The following EHBP1 variants were observed in gnomAD, a reference collection of about 807,000 sequenced individuals.
EHBP1 encodes the protein EH domain-binding protein 1.
EHBP1 carries 55 observed loss-of-function variants against 144.0 expected under a neutral mutation model. The ratio of observed to expected loss-of-function variants is 0.38; its 90% CI spans 0.31 to 0.48. EHBP1 has a LOEUF of 0.48. EHBP1 is among the 20% of genes least tolerant of loss of function. The pLI, the probability that EHBP1 is intolerant of heterozygous loss-of-function variation, is 0.98. For missense variants in EHBP1, 1,200 were observed against 1,364.2 expected (o/e 0.88, Z 1.90); for synonymous variants, 469 against 472.7 (o/e 0.99, Z 0.10).
At chr2:62,751,976 T>C (rs1266131595) in intron 3 of EHBP1, among the ~76,000 whole-genome samples, 1 of 152,138 alleles carries the variant, frequency 6.6e-6, no homozygotes, top group African/African-American at 2.4e-5. Context: ...TTTGTGTCTC[T>C]ATCTCCTTCA....
At position 62,968,282 on chromosome 2, in the gene EHBP1, T is replaced by G. The variant is rs541148253; in HGVS notation, c.2461-10906T>G. On this transcript the variant is annotated intron_variant, in intron 14 of 22. Coordinates refer to ENST00000431489, the MANE Select transcript of EHBP1 (RefSeq NM_001142616.3). Reference sequence around the variant, plus strand: ...ACTTTAGAACAAAAGCCAGTGTTGGTGGAGTGTTAAATTCATCATAAAGGG... The same window carrying G: ...ACTTTAGAACAAAAGCCAGTGTTGGGGGAGTGTTAAATTCATCATAAAGGG... 3.3e-5 allele frequency among the ~76,000 whole-genome samples: 5 copies of G among 152,254 alleles called. No homozygotes were observed. In the East Asian group the frequency reaches 7.7e-4, roughly 23 times the overall value.
chr2:62,853,224 C>G (rs773692506), intron 7 of EHBP1, among the ~76,000 whole-genome samples: 2 of 152,102 alleles, frequency 1.3e-5, no homozygotes, highest in Non-Finnish European at 2.9e-5. Context: ...GCAAGTCACA[C>G]ACATTTTTTG....
At chr2:62,967,885 T>TC (rs1553493141) in intron 14 of EHBP1, among the ~76,000 whole-genome samples, 1 of 152,086 alleles carries the variant, frequency 6.6e-6, no homozygotes, top group African/African-American at 2.4e-5. Flanking sequence ...CTTTTTTTTT[T>TC]CATCTCAAAT....
Position 63,045,749 on chromosome 2 carries a change from T to G in EHBP1, c.*249T>G. 2.2e-6 allele frequency: 1 copy of G among 453,930 alleles called. No homozygotes were observed. Among genetic ancestry groups the G allele is most frequent in the East Asian group, 4.2e-5 (1 of 23,826 alleles). The allele number at this position is 453,930 out of a possible 1,614,324, so 28.1% of individuals were successfully genotyped here. A position where few individuals can be genotyped will look rare whatever the true frequency, so the allele number is the denominator to read the frequency against. On this transcript the variant is annotated 3_prime_UTR_variant, in exon 23 of 23. Transcript: ENST00000431489. This position sits in a 1 kb window ranked among gnomAD's most constrained non-coding sequence, Gnocchi z 5.7. ...TCCTTGAAATCCTGTGAAATAGATT[T>G]GCACAGACACCTTGTGAGTGATTGG...
At chr2:62,906,916 CTT>C (rs1284612364) in intron 10 of EHBP1, among the ~76,000 whole-genome samples, 1 of 152,116 alleles carries the variant, frequency 6.6e-6, no homozygotes, top group Non-Finnish European at 1.5e-5. Flanking sequence ...TTGGAATGGA[CTT>C]TTTTTCACTT....
At chr2:63,033,019 A>G (rs2153350587) in intron 19 of EHBP1, among the ~76,000 whole-genome samples, 1 of 152,290 alleles carries the variant, frequency 6.6e-6, no homozygotes, top group Admixed American at 6.5e-5. Context: ...ATATTGTTGG[A>G]TCAGAAACAT....
intron 7 of EHBP1, among the ~76,000 whole-genome samples, chr2:62,842,431 C>G (rs1272652743): frequency 1.3e-5 from 2 of 152,128 alleles, no homozygotes; most frequent in Non-Finnish European, 1.5e-5. Flanking sequence ...GAGGGCAGAT[C>G]CCTCATGAAC....
At chr2:62,864,064 C>G (rs1056168840) in intron 8 of EHBP1, among the ~76,000 whole-genome samples, 7 of 151,888 alleles carry the variant, frequency 4.6e-5, no homozygotes, top group Non-Finnish European at 7.4e-5. Flanking sequence ...CCAGGCTGGT[C>G]TTGAACTCCT....
intron 1 of EHBP1, among the ~76,000 whole-genome samples, chr2:62,698,098 T>G (rs2034162251): frequency 1.3e-5 from 2 of 152,254 alleles, no homozygotes; most frequent in Non-Finnish European, 2.9e-5. Flanking sequence ...ACAAACTGAT[T>G]GGCACAAGGT....
chr2:62,893,957 A>G (rs549660256), intron 10 of EHBP1, among the ~76,000 whole-genome samples: 2 of 152,142 alleles, frequency 1.3e-5, no homozygotes, highest in East Asian at 3.9e-4. Flanking sequence ...AGGCAGGAGA[A>G]TCACTTGAAC....
chr2:62,867,543 C>T (rs180932441), intron 9 of EHBP1, among the ~76,000 whole-genome samples: 4 of 151,908 alleles, frequency 2.6e-5, no homozygotes, highest in East Asian at 1.9e-4. Flanking sequence ...ATGTATATAC[C>T]GAAAACAACA....
intron 19 of EHBP1, among the ~76,000 whole-genome samples, chr2:63,013,621 C>G (rs951938870): frequency 6.6e-6 from 1 of 152,192 alleles, no homozygotes; most frequent in Non-Finnish European, 1.5e-5. Flanking sequence ...CCAATTTTGT[C>G]AGAATGCTAA....
chr2:62,720,124 C>T (rs1294667964), intron 2 of EHBP1, among the ~76,000 whole-genome samples: 1 of 152,140 alleles, frequency 6.6e-6, no homozygotes, highest in African/African-American at 2.4e-5. Context: ...GTTTTTAGGA[C>T]ATACATCCTT....
intron 1 of EHBP1, among the ~76,000 whole-genome samples, chr2:62,699,106 C>T (rs987370974): frequency 6.6e-6 from 1 of 152,174 alleles, no homozygotes; most frequent in African/African-American, 2.4e-5. Flanking sequence ...CTTTTCTTTG[C>T]CTTTCCTGTC....
Position 62,707,182 on chromosome 2 carries a change from A to G in EHBP1, c.-10A>G, listed in dbSNP as rs989738412. The G allele has an allele frequency of 1.2e-6, 2 of 1,612,848 alleles. No homozygotes were observed. The highest frequency in any genetic ancestry group is 1.7e-6 in the Non-Finnish European group (2 of 1,178,930). On this transcript the variant is annotated 5_prime_UTR_variant, in exon 2 of 23. Transcript: ENST00000431489. ...AACCCAGAACTGCTCCAGTGTCTTG[A>G]CTGATCATCATGGCTTCAGTTTGGA...
chr2:62,838,797 GT>G (rs1444479743), intron 7 of EHBP1, among the ~76,000 whole-genome samples: 1 of 147,162 alleles, frequency 6.8e-6, no homozygotes, highest in Admixed American at 6.8e-5. Context: ...CCAGGAAGAA[GT>G]TGAATCTCTG....
At chr2:62,876,987 C>G (rs74994226) in intron 10 of EHBP1, among the ~76,000 whole-genome samples, 15,012 of 152,228 alleles carry the variant, frequency 0.099, 957 homozygotes, top group Non-Finnish European at 0.14. Flanking sequence ...AGAACCAAAT[C>G]CACATATGAC....
intron 1 of EHBP1, among the ~76,000 whole-genome samples, chr2:62,686,047 T>C (rs2033707917): frequency 6.6e-6 from 1 of 152,212 alleles, no homozygotes; most frequent in African/African-American, 2.4e-5. Context: ...TTCTCTTTTC[T>C]GAGGGAGATG....
At chr2:62,768,787 CT>C (rs1183507052) in intron 4 of EHBP1, among the ~76,000 whole-genome samples, 3 of 152,180 alleles carry the variant, frequency 2.0e-5, no homozygotes, top group Admixed American at 1.3e-4. Context: ...CAAACTGATA[CT>C]AGCAGCACAT....
Sources: allele counts gnomAD v4.1 joint callset (sites outside exome capture counted in the v4.1 genomes callset), GRCh38; gene constraint gnomAD v4.1.1; non-coding constraint Gnocchi (gnomAD v3.1); transcripts MANE v1.5; gene names NCBI Gene and HGNC (gene_info 2026-07-23, HGNC 2026-07-21).